Variants in PARP16 observed in about 807,000 individuals in gnomAD.
PARP16 encodes the protein protein mono-ADP-ribosyltransferase PARP16.
PARP16 carries 31 observed loss-of-function variants against 35.0 expected under a neutral mutation model. The ratio of observed to expected loss-of-function variants is 0.88; its 90% CI spans 0.66 to 1.19. PARP16 has a LOEUF of 1.19. Among genes scored for constraint, PARP16 ranks in the 50% most tolerant of loss-of-function variants. PARP16 has a pLI of 0.00. For missense variants in PARP16, 424 were observed against 411.2 expected, an observed-to-expected ratio of 1.03 and a Z score of -0.27; for synonymous variants, 162 against 169.5, an observed-to-expected ratio of 0.96 and a Z score of 0.34.
chr15:65,273,200 C>A (rs898771472), intron 1 of PARP16, among the ~76,000 whole-genome samples: 3 of 143,812 alleles, frequency 2.1e-5, no homozygotes, highest in African/African-American at 5.0e-5. Context: ...ATCACTTGAA[C>A]CCAGGAGGCG....
At chr15:65,268,814 G>A (rs1341574761) in intron 2 of PARP16, among the ~76,000 whole-genome samples, 1 of 152,126 alleles carries the variant, frequency 6.6e-6, no homozygotes, top group East Asian at 1.9e-4. Flanking sequence ...GAGTGCAGTG[G>A]CACGATCTTG....
At chr15:65,263,056 T>C in intron 4 of PARP16, 93 bp downstream of exon 4, 1 of 1,190,050 alleles carries the variant, frequency 8.4e-7, no homozygotes, top group Non-Finnish European at 1.2e-6. Context: ...CCCTTGGGCA[T>C]GCAATGGGTG....
chr15:65,257,683 G>A, downstream of PARP16, among the ~76,000 whole-genome samples: 1 of 149,584 alleles, frequency 6.7e-6, no homozygotes. Flanking sequence ...AAATTAACCA[G>A]TATAGTAAGG....
intron 3 of PARP16, among the ~76,000 whole-genome samples, chr15:65,265,956 TCTCA>T (rs1254496428): frequency 3.3e-5 from 5 of 152,100 alleles, no homozygotes; most frequent in African/African-American, 1.2e-4. Flanking sequence ...TGAGATGGAG[TCTCA>T]CTCTGTCACC....
intron 3 of PARP16, among the ~76,000 whole-genome samples, chr15:65,246,278 AC>A (rs1567011308): frequency 1.3e-5 from 2 of 151,784 alleles, no homozygotes; most frequent in Non-Finnish European, 2.9e-5. Flanking sequence ...CGAGATAGTC[AC>A]CCCCAGCAAC....
chr15:65,268,484 C>T (rs1181821776), intron 2 of PARP16, among the ~76,000 whole-genome samples: 1 of 152,182 alleles, frequency 6.6e-6, no homozygotes, highest in African/African-American at 2.4e-5. Context: ...CTGGCTCTGT[C>T]GCCCAGGCTG....
rs1377296192 is a variant in PARP16, at chr15:65,261,032, TAAG to T, written c.692-9_692-7del. 6.2e-7 allele frequency: 1 copy of T among 1,612,422 alleles called. No individual in the cohort carries two copies. Among genetic ancestry groups the T allele is most frequent in the South Asian group, 1.1e-5 (1 of 91,018 alleles). ...GCGATCTATCTCCTTGGAATCTGAA[TAAG>T]GAGAGTAAAACACATCTTCACTGGG... On this transcript the variant is annotated splice_polypyrimidine_tract_variant and splice_region_variant and intron_variant, in intron 4 of 5. Coordinates refer to ENST00000649807, the MANE Select transcript of PARP16 (RefSeq NM_001316943.2).
intron 3 of PARP16, among the ~76,000 whole-genome samples, chr15:65,264,857 G>C (rs1305400981): frequency 6.6e-6 from 1 of 152,204 alleles, no homozygotes; most frequent in Non-Finnish European, 1.5e-5. Flanking sequence ...TAGGAGGATT[G>C]ATGTGCTTTA....
At chr15:65,271,468 T>A (rs905816846) in intron 1 of PARP16, among the ~76,000 whole-genome samples, 1 of 152,012 alleles carries the variant, frequency 6.6e-6, no homozygotes, top group Non-Finnish European at 1.5e-5. Context: ...AGAGATGGGG[T>A]TTCACCATGT....
intron 2 of PARP16, among the ~76,000 whole-genome samples, chr15:65,267,789 T>A (rs116947253): frequency 0.22 from 31,313 of 142,844 alleles, 4,209 homozygotes; most frequent in Admixed American, 0.31. Flanking sequence ...CCAGGTTTTT[T>A]AAGCAATTCT....
chr15:65,243,714 G>C (rs1267257583), intron 3 of PARP16, among the ~76,000 whole-genome samples: 4 of 151,928 alleles, frequency 2.6e-5, no homozygotes, highest in Middle Eastern at 3.2e-3. Flanking sequence ...TCTGGGCCTG[G>C]AGGGTTTCAT....
downstream of PARP16, among the ~76,000 whole-genome samples, chr15:65,233,002 T>C (rs2140701589): frequency 6.6e-6 from 1 of 150,942 alleles, no homozygotes; most frequent in East Asian, 2.0e-4. Context: ...AAATAAAAAA[T>C]TAAAAAGTTT....
intron 1 of PARP16, among the ~76,000 whole-genome samples, chr15:65,285,924 C>G (rs1418573142): frequency 6.6e-6 from 1 of 152,188 alleles, no homozygotes; most frequent in African/African-American, 2.4e-5. Context: ...CTAAGCAAAA[C>G]AGCTGATTCA....
chr15:65,263,338 A>G lies in PARP16; in HGVS notation c.520-18T>C, dbSNP rs764509343. 6.4e-7 allele frequency: 1 copy of G among 1,551,284 alleles called. No homozygotes were observed. Among genetic ancestry groups the G allele is most frequent in the Non-Finnish European group, 8.7e-7 (1 of 1,148,342 alleles). ...AAGGATGTCTGCAACAGCAAGGCCA[A>G]TGGAAAAGAAACACAGATGGTTGAA... On this transcript the variant is annotated intron_variant, in intron 3 of 5. Transcript: ENST00000649807.
intron 3 of PARP16, among the ~76,000 whole-genome samples, chr15:65,235,286 G>A (rs1446090903): frequency 6.6e-6 from 1 of 151,640 alleles, no homozygotes; most frequent in Non-Finnish European, 1.5e-5. Context: ...CAGCCTGGGC[G>A]ACAGAAAGAG....
chr15:65,274,018 A>G (rs1239119991), intron 1 of PARP16, among the ~76,000 whole-genome samples: 1 of 152,034 alleles, frequency 6.6e-6, no homozygotes, highest in Non-Finnish European at 1.5e-5. Context: ...AGTGGCACAA[A>G]CACAGCTCAC....
intron 2 of PARP16, among the ~76,000 whole-genome samples, chr15:65,251,433 C>T (rs2089355219): frequency 6.6e-6 from 1 of 152,124 alleles, no homozygotes; most frequent in Non-Finnish European, 1.5e-5. Flanking sequence ...TATTGGTCAC[C>T]TAAGTGAAAA....
chr15:65,241,276 G>T (rs1345460574), intron 3 of PARP16, among the ~76,000 whole-genome samples: 4 of 151,530 alleles, frequency 2.6e-5, no homozygotes, highest in Non-Finnish European at 5.9e-5. Flanking sequence ...AAGTAGCTGG[G>T]GTTACAGGCG....
intron 3 of PARP16, among the ~76,000 whole-genome samples, chr15:65,241,780 A>T (rs1225744789): frequency 6.6e-6 from 1 of 152,176 alleles, no homozygotes; most frequent in African/African-American, 2.4e-5. Context: ...GGAAGTTTTT[A>T]AAAAATATAT....
Sources: allele counts gnomAD v4.1 joint callset (sites outside exome capture counted in the v4.1 genomes callset), GRCh38; gene constraint gnomAD v4.1.1; transcripts MANE v1.5; gene names NCBI Gene and HGNC (gene_info 2026-07-23, HGNC 2026-07-21).